CAVIN1: variants seen among roughly 807,000 people sequenced by gnomAD.
CAVIN1 encodes the protein caveolae-associated protein 1.
In CAVIN1, 16 loss-of-function variants were observed where a neutral mutation model predicts 24.0. The ratio of observed to expected loss-of-function variants is 0.67; its 90% CI spans 0.45 to 1.01. The LOEUF (loss-of-function observed/expected upper bound fraction) is 1.01. Among genes scored for constraint, CAVIN1 ranks in the 50% least tolerant of loss-of-function variants. The pLI, the probability that CAVIN1 is intolerant of heterozygous loss-of-function variation, is 0.00. For missense variants in CAVIN1, 510 were observed against 551.7 expected (o/e 0.92, Z 0.76); for synonymous variants, 256 against 256.4 (o/e 1.00, Z 0.02).
At chr17:42,411,656 G>C (rs1410991914) in intron 1 of CAVIN1, 6 of 985,320 alleles carry the variant, frequency 6.1e-6, no homozygotes, top group Non-Finnish European at 7.2e-6. Flanking sequence ...CCCCAGGCCT[G>C]AGCCTCATGA....
intron 1 of CAVIN1, among the ~76,000 whole-genome samples, chr17:42,415,873 T>TC (rs2085508840): frequency 6.6e-6 from 1 of 152,140 alleles, no homozygotes; most frequent in South Asian, 2.1e-4. Context: ...AGCAATAATA[T>TC]CCCCTCCCCT....
chr17:42,411,052 G>A (rs1461467788), intron 1 of CAVIN1, among the ~76,000 whole-genome samples: 2 of 151,728 alleles, frequency 1.3e-5, no homozygotes, highest in Non-Finnish European at 1.5e-5. Flanking sequence ...AACTAGCTGG[G>A]TGTGGTGGCA....
intron 1 of CAVIN1, among the ~76,000 whole-genome samples, chr17:42,422,038 G>C (rs2085551217): frequency 6.6e-6 from 1 of 152,240 alleles, no homozygotes; most frequent in South Asian, 2.1e-4. Context: ...GGGCCGCCGA[G>C]GCCGATGTGG....
chr17:42,417,279 C>A (rs1389429995), intron 1 of CAVIN1, among the ~76,000 whole-genome samples: 1 of 151,994 alleles, frequency 6.6e-6, no homozygotes, highest in South Asian at 2.1e-4. Flanking sequence ...CATGGTGAAA[C>A]CCTGTCTCTA....
At position 42,404,759 on chromosome 17, in the gene CAVIN1, G is replaced by A. The variant is rs1225721187; in HGVS notation, c.1101C>T (p.Pro367=). ...TGATCTCCAGCAGCGCGTGCACGTC[G>A]GGGCTGCTCCCGCGCCGCAGGTCGC... is the stretch of plus-strand genomic sequence containing the variant. ...EAGDLRRGSS[P]DVHALLEITE... The change falls in exon 2 of 2, where the codon CCC becomes CCT. Residue 367 remains proline (P), a synonymous_variant. Coordinates refer to ENST00000357037, the MANE Select transcript of CAVIN1 (RefSeq NM_012232.6). 1.9e-6 allele frequency: 3 copies of A among 1,561,324 alleles called. No individual in the cohort carries two copies. The highest frequency in any genetic ancestry group is 4.6e-5 in the East Asian group (2 of 43,664).
rs1471931821 is a variant in CAVIN1 at position 42,403,291 on chromosome 17, T to C, written c.*1396A>G. On this transcript the variant is annotated 3_prime_UTR_variant, in exon 2 of 2. Transcript: ENST00000357037. ...ACCAGGGCTGGCTGCTCTGTGATGT[T>C]CTCTCCCCACCTCCCCTCCAGCTCT... 6.6e-6 allele frequency: 1 copy of C among 152,548 alleles called. No individual in the cohort carries two copies. The highest frequency in any genetic ancestry group is 1.5e-5 in the Non-Finnish European group (1 of 68,178). 9.4% of individuals were successfully genotyped at this position (152,548 alleles called of 1,614,324 possible).
chr17:42,421,781 T>C (rs989882351), intron 1 of CAVIN1, among the ~76,000 whole-genome samples: 32 of 152,212 alleles, frequency 2.1e-4, no homozygotes, highest in African/African-American at 7.7e-4. Flanking sequence ...CTGCTGCGCC[T>C]GGCCCCCGCC....
At chr17:42,414,098 G>A (rs2085498005) in intron 1 of CAVIN1, among the ~76,000 whole-genome samples, 4 of 151,852 alleles carry the variant, frequency 2.6e-5, no homozygotes, top group South Asian at 2.1e-4. Flanking sequence ...ACGGAGTTTC[G>A]CCATGTTGGC....
At position 42,410,892 on chromosome 17, in the gene CAVIN1, C is replaced by CAA. The variant is rs774857493; in HGVS notation, c.472-5506_472-5505dup. Among the ~76,000 whole-genome samples, 230 of 76,362 alleles carry CAA rather than the reference C, an allele frequency of 3.0e-3. 12 individuals are homozygous for CAA. The highest frequency in any genetic ancestry group is 0.012 in the African/African-American group (223 of 18,476). The allele number at this position is 76,362 out of a possible 152,430, so 50.1% of individuals were successfully genotyped here. A position where few individuals can be genotyped will look rare whatever the true frequency, so the allele number is the denominator to read the frequency against. ...CTGGCGACGGAGTGAGACTCTGTCTCAAAAAAAAAAAAAAAAAAAAAAAAA... is the reference window on the plus strand; with the variant it reads ...CTGGCGACGGAGTGAGACTCTGTCTCAAAAAAAAAAAAAAAAAAAAAAAAAAA... On this transcript the variant is annotated intron_variant, in intron 1 of 1. Coordinates refer to ENST00000357037, the MANE Select transcript of CAVIN1 (RefSeq NM_012232.6).
At chr17:42,417,793 G>A (rs1432908014) in intron 1 of CAVIN1, among the ~76,000 whole-genome samples, 1 of 151,952 alleles carries the variant, frequency 6.6e-6, no homozygotes, top group Non-Finnish European at 1.5e-5. Flanking sequence ...CAAGTAGCTG[G>A]GATTACAGGC....
chr17:42,418,420 G>A (rs554211352), intron 1 of CAVIN1, among the ~76,000 whole-genome samples: 11 of 151,894 alleles, frequency 7.2e-5, no homozygotes, highest in South Asian at 4.2e-4. Flanking sequence ...TAGTAGAGAC[G>A]GGGTTTCTCC....
At chr17:42,417,498 C>CCTATCACCTAATA (rs1273962042) in intron 1 of CAVIN1, among the ~76,000 whole-genome samples, 1 of 148,076 alleles carries the variant, frequency 6.8e-6, no homozygotes, top group Non-Finnish European at 1.5e-5. Flanking sequence ...ATAAAAAATT[C>CCTATCACCTAATA]CTATCACCTA....
At chr17:42,406,375 C>CATTTTTTTTTTTTTTTTTTT (rs59023533) in intron 1 of CAVIN1, among the ~76,000 whole-genome samples, 1 of 140,952 alleles carries the variant, frequency 7.1e-6, no homozygotes. Context: ...CAAGCTATTT[C>CATTTTTTTTTTTTTTTTTTT]TTTTTTTTTT....
At chr17:42,415,147 A>G (rs577515094) in intron 1 of CAVIN1, among the ~76,000 whole-genome samples, 2 of 152,160 alleles carry the variant, frequency 1.3e-5, no homozygotes. Flanking sequence ...CTGTGCAACT[A>G]ACTCCCTCAG....
chr17:42,422,122 G>A (rs1467009574), intron 1 of CAVIN1, among the ~76,000 whole-genome samples: 2 of 152,154 alleles, frequency 1.3e-5, no homozygotes, highest in Non-Finnish European at 2.9e-5. Context: ...CCGCTGGTGC[G>A]TGCCTGAGCC....
chr17:42,421,566 CA>C (rs1350702156), intron 1 of CAVIN1, among the ~76,000 whole-genome samples: 4 of 152,188 alleles, frequency 2.6e-5, no homozygotes, highest in African/African-American at 9.7e-5. Context: ...CCGCCCAGCC[CA>C]AAATCTCATC....
chr17:42,404,724 G>A lies in CAVIN1; in HGVS notation c.1136C>T (p.Ser379Leu), dbSNP rs755508830. 1.3e-6 allele frequency: 2 copies of A among 1,495,448 alleles called. No homozygotes were observed. Among genetic ancestry groups the A allele is most frequent in the East Asian group, 2.4e-5 (1 of 40,874 alleles). 92.6% of individuals were successfully genotyped at this position (1,495,448 alleles called of 1,614,324 possible). A position where few individuals can be genotyped will look rare whatever the true frequency, so the allele number is the denominator to read the frequency against. The change falls in exon 2 of 2, where the codon TCG (serine) becomes TTG (leucine). Residue 379 changes from serine (S) to leucine (L), a missense_variant. Physicochemically the swap from Ser to Leu is moderately radical, Grantham distance 145. Transcript: ENST00000357037. Reference sequence around the variant, plus strand: ...GCTCTTGTCCACCAGCACGGCGTCCGACTCCTCGGTGATCTCCAGCAGCGC... The same window carrying A: ...GCTCTTGTCCACCAGCACGGCGTCCAACTCCTCGGTGATCTCCAGCAGCGC... Reference protein sequence around the residue: ...VHALLEITEESDAVLVDKSDS... With the variant: ...VHALLEITEELDAVLVDKSDS...
intron 1 of CAVIN1, among the ~76,000 whole-genome samples, chr17:42,422,329 C>T (rs907010389): frequency 2.6e-5 from 4 of 152,212 alleles, no homozygotes; most frequent in Admixed American, 2.0e-4. Context: ...CTCGAGTCCA[C>T]CCGCTAATTC....
chr17:42,410,295 G>C (rs1004029553), intron 1 of CAVIN1, among the ~76,000 whole-genome samples: 24 of 152,148 alleles, frequency 1.6e-4, no homozygotes, highest in Non-Finnish European at 2.4e-4. Context: ...GATCTGCTTA[G>C]AGTGTATGTT....
Sources: gnomAD v4.1 joint callset for allele counts (sites outside exome capture counted in the v4.1 genomes callset) on GRCh38, gnomAD v4.1.1 for gene constraint, MANE v1.5 for transcripts, NCBI Gene and HGNC (gene_info 2026-07-23, HGNC 2026-07-21) for gene names.